MMS22L: variants seen among roughly 807,000 people sequenced by gnomAD.
MMS22L encodes MMS22 like, DNA repair protein, also known as protein MMS22-like.
In MMS22L, 74 loss-of-function variants were observed where a neutral mutation model predicts 159.1. That is an observed-to-expected ratio of 0.47 (90% confidence interval 0.39 to 0.56). The LOEUF (loss-of-function observed/expected upper bound fraction) is 0.56. Among genes scored for constraint, MMS22L ranks in the 20% least tolerant of loss-of-function variants. MMS22L has a pLI of 0.00. For missense variants in MMS22L, 1,351 were observed against 1,422.1 expected, an observed-to-expected ratio of 0.95 and a Z score of 0.80; for synonymous variants, 517 against 506.9, an observed-to-expected ratio of 1.02 and a Z score of -0.27.
At chr6:97,162,331 T>C (rs1171306188) in intron 21 of MMS22L, among the ~76,000 whole-genome samples, 166 bp from the exon 22 acceptor site, 2 of 152,070 alleles carry the variant, frequency 1.3e-5, no homozygotes, top group African/African-American at 2.4e-5. Context: ...CATAGGATTT[T>C]AGAAGCAATG....
In MMS22L at chr6:97,186,559, A is replaced by C; in HGVS notation, c.2171T>G (p.Phe724Cys). The change falls in exon 15 of 25, where the codon TTT (phenylalanine) becomes TGT (cysteine). Residue 724 changes from phenylalanine to cysteine, a missense_variant. Transcript: ENST00000683635. ...ASALWRHFFSFLKSQRMSQVV... is the reference protein window; with the variant it reads ...ASALWRHFFSCLKSQRMSQVV... ...CTGTGACATTCTCTGACTCTTCAAA[A>C]ATGAAAAGAAATGTCTCCACAGTGC... The C allele has an allele frequency of 6.2e-7, 1 of 1,612,812 alleles. No homozygotes were observed. The highest frequency in any genetic ancestry group is 1.1e-5 in the South Asian group (1 of 90,922).
intron 14 of MMS22L, 91 bp downstream of exon 14, chr6:97,228,803 G>A: frequency 1.7e-6 from 2 of 1,193,576 alleles, no homozygotes; most frequent in Non-Finnish European, 2.3e-6. Context: ...ATGTGTATTT[G>A]TATATATGCA....
At chr6:97,199,161 A>T (rs2128297550) in intron 14 of MMS22L, among the ~76,000 whole-genome samples, 1 of 152,178 alleles carries the variant, frequency 6.6e-6, no homozygotes, top group East Asian at 1.9e-4. Flanking sequence ...TATGTGGGGG[A>T]GCGTGCATTG....
intron 3 of MMS22L, 37 bp downstream of exon 3, chr6:97,281,200 A>C: frequency 1.3e-6 from 2 of 1,568,220 alleles, no homozygotes; most frequent in African/African-American, 2.7e-5. Context: ...AAAGTGAACA[A>C]CACCTACACT....
chr6:97,231,380 T>G, intron 13 of MMS22L, 46 bp downstream of exon 13: 4 of 1,356,140 alleles, frequency 2.9e-6, no homozygotes, highest in Non-Finnish European at 4.2e-6. Flanking sequence ...GTAACACCTA[T>G]CCAAAGATAT....
At chr6:97,235,062 A>G (rs542313604) in intron 11 of MMS22L, among the ~76,000 whole-genome samples, 252 of 152,324 alleles carry the variant, frequency 1.7e-3, no homozygotes, top group South Asian at 4.1e-3. Context: ...ACATGATGTG[A>G]TTGTTTCAAA....
chr6:97,257,935 C>T (rs1814004940), intron 9 of MMS22L, among the ~76,000 whole-genome samples: 1 of 152,174 alleles, frequency 6.6e-6, no homozygotes. Flanking sequence ...TTGTCCACTA[C>T]TTTAAGCATC....
At chr6:97,266,578 GC>G (rs1815143329) in intron 8 of MMS22L, 1 of 152,158 alleles carries the variant, frequency 6.6e-6, no homozygotes, top group South Asian at 2.1e-4. Flanking sequence ...GCACACCTAG[GC>G]TATGTGGTAT....
At position 97,233,952 on chromosome 6, in the gene MMS22L, A is replaced by G. The variant is rs1361003571; in HGVS notation, c.1211T>C (p.Met404Thr). The change falls in exon 12 of 25, where the codon ATG becomes ACG. Residue 404 changes from methionine to threonine, a missense_variant. Coordinates refer to ENST00000683635, the MANE Select transcript of MMS22L (RefSeq NM_001350599.2). Reference sequence around the variant, plus strand: ...AAGTGTCAAACAACAGTGAAGATACATTCGTAATTGTTCTTCTAGAATGAC... The same window carrying G: ...AAGTGTCAAACAACAGTGAAGATACGTTCGTAATTGTTCTTCTAGAATGAC... ...QGVILEEQLRMYLHCCLTLCD... is the reference protein window; with the variant it reads ...QGVILEEQLRTYLHCCLTLCD... 4 of 1,610,054 alleles carry G rather than the reference A, an allele frequency of 2.5e-6. No homozygotes were observed.
At chr6:97,257,756 A>C (rs1813982944) in intron 9 of MMS22L, among the ~76,000 whole-genome samples, 1 of 151,682 alleles carries the variant, frequency 6.6e-6, no homozygotes, top group African/African-American at 2.4e-5. Flanking sequence ...CATCATATTG[A>C]TGGTACATGA....
chr6:97,259,407 CCTCT>C (rs1361342965), intron 9 of MMS22L: 4 of 152,032 alleles, frequency 2.6e-5, no homozygotes, highest in South Asian at 4.2e-4. Context: ...AAGAGATGGC[CCTCT>C]CTAATATGGG....
chr6:97,273,697 T>C (rs576527202), intron 4 of MMS22L, among the ~76,000 whole-genome samples: 2 of 152,172 alleles, frequency 1.3e-5, no homozygotes, highest in East Asian at 3.8e-4. Flanking sequence ...CAGTAGCCTA[T>C]ATGGTTCTTG....
At chr6:97,233,815 C>T (rs1330360870) in intron 12 of MMS22L, 46 bp downstream of exon 12, 2 of 1,551,538 alleles carry the variant, frequency 1.3e-6, no homozygotes, top group Non-Finnish European at 8.7e-7. Context: ...CAAATATGTA[C>T]AAATTTTTAA....
At chr6:97,223,605 T>C (rs1809889407) in intron 14 of MMS22L, among the ~76,000 whole-genome samples, 1 of 152,156 alleles carries the variant, frequency 6.6e-6, no homozygotes, top group African/African-American at 2.4e-5. Context: ...AAATTAGGAA[T>C]ACATCTCCAT....
intron 11 of MMS22L, among the ~76,000 whole-genome samples, chr6:97,234,919 T>C (rs1811237834): frequency 6.6e-6 from 1 of 152,212 alleles, no homozygotes; most frequent in African/African-American, 2.4e-5. Context: ...CAATTATTAG[T>C]AGGCTTGGTA....
chr6:97,215,114 A>ATATATATTTTTT (rs1209431095), intron 14 of MMS22L, among the ~76,000 whole-genome samples: 11 of 87,184 alleles, frequency 1.3e-4, no homozygotes, highest in African/African-American at 3.5e-4. Flanking sequence ...ATATATATAT[A>ATATATATTTTTT]TTTTTTTTTT....
intron 24 of MMS22L, 35 bp downstream of exon 24, chr6:97,149,818 T>G: frequency 9.9e-6 from 15 of 1,517,352 alleles, no homozygotes; most frequent in Non-Finnish European, 1.2e-5. Flanking sequence ...TTATAATCAC[T>G]GCCCCCCCCA....
chr6:97,192,047 G>C (rs1805922449), intron 14 of MMS22L, among the ~76,000 whole-genome samples: 1 of 152,106 alleles, frequency 6.6e-6, no homozygotes, highest in South Asian at 2.1e-4. Context: ...CAAATTGTCA[G>C]GGAGAAACCA....
chr6:97,171,864 C>T (rs1364833209), intron 19 of MMS22L, among the ~76,000 whole-genome samples: 1 of 152,138 alleles, frequency 6.6e-6, no homozygotes, highest in Non-Finnish European at 1.5e-5. Flanking sequence ...TTATTCTAAT[C>T]CTTTAACATG....
Sources: allele counts gnomAD v4.1 joint callset (sites outside exome capture counted in the v4.1 genomes callset), GRCh38; gene constraint gnomAD v4.1.1; transcripts MANE v1.5; gene names NCBI Gene and HGNC (gene_info 2026-07-23, HGNC 2026-07-21).